The following COL6A3 variants were observed in gnomAD, a reference collection of about 807,000 sequenced individuals.
COL6A3 encodes the protein collagen alpha-3(VI) chain.
In COL6A3, 137 loss-of-function variants were observed where a neutral mutation model predicts 274.1. The ratio of observed to expected loss-of-function variants is 0.50; its 90% CI spans 0.44 to 0.58. The LOEUF (loss-of-function observed/expected upper bound fraction) is 0.58. Among genes scored for constraint, COL6A3 ranks in the 20% least tolerant of loss-of-function variants. COL6A3 has a pLI of 0.00. For synonymous variants in COL6A3, 1,650 were observed against 1,650.6 expected, an observed-to-expected ratio of 1.00 and a Z score of 0.01; for missense variants, 3,950 against 4,124.9, an observed-to-expected ratio of 0.96 and a Z score of 1.16.
At chr2:237,366,111 G>A (rs2077546134) in intron 11 of COL6A3, 76 bp from the exon 12 acceptor site, 3 of 1,319,098 alleles carry the variant, frequency 2.3e-6, no homozygotes, top group African/African-American at 1.4e-5. Context: ...CAGCAGTAGG[G>A]ACAACCCAGG....
intron 25 of COL6A3, 146 bp downstream of exon 25, chr2:237,353,195 G>A: frequency 1.3e-6 from 1 of 789,254 alleles, no homozygotes. Context: ...TAGAGGTGAT[G>A]ATTGCACAGC....
rs1284986870 is a variant in COL6A3 at position 237,365,683 on chromosome 2, A to G, written c.5838+15T>C. ...AATTTCCCAGGGAGCACCTGAACCA[A>G]CTGGCCCCACAGACCTTCACGCTGT... On this transcript the variant is annotated intron_variant, in intron 12 of 43. Coordinates refer to ENST00000295550, the MANE Select transcript of COL6A3 (RefSeq NM_004369.4). 1.9e-6 allele frequency: 3 copies of G among 1,613,496 alleles called. No homozygotes were observed. Among genetic ancestry groups the G allele is most frequent in the African/African-American group, 2.7e-5 (2 of 74,922 alleles).
chr2:237,347,214 G>A (rs1445708986), intron 31 of COL6A3, among the ~76,000 whole-genome samples: 2 of 151,984 alleles, frequency 1.3e-5, no homozygotes, highest in African/African-American at 4.8e-5. Flanking sequence ...GATGGAGGTT[G>A]CAGTGAGCCA....
chr2:237,374,671 C>T lies in COL6A3; in HGVS notation c.3420G>A (p.Thr1140=), dbSNP rs35489467. The part of the protein sequence containing the change: ...EGVPQLLIVL[T]ADRSGDDVRN... The stretch of plus-strand genomic sequence containing the variant: ...GCACATCATCCCCAGACCTGTCGGC[C>T]GTGAGGACGATCAGCAGCTGGGGCA... The change falls in exon 8 of 44, where the codon ACG becomes ACA. Residue 1140 remains threonine, a synonymous_variant. Transcript: ENST00000295550. The surrounding 1 kb of genome is among the most constrained non-coding windows in gnomAD (Gnocchi z 4.8). The T allele has an allele frequency of 2.6e-3, 4,150 of 1,613,880 alleles. 81 individuals carry two copies. In the African/African-American group the frequency reaches 0.045, roughly 17 times the overall value.
intron 9 of COL6A3, among the ~76,000 whole-genome samples, chr2:237,370,093 C>A (rs942871888): frequency 1.3e-5 from 2 of 151,634 alleles, no homozygotes; most frequent in Admixed American, 1.3e-4. Flanking sequence ...AACTCCTGGG[C>A]CCAAGTGATC....
chr2:237,360,670 G>C (rs181366659), intron 16 of COL6A3, among the ~76,000 whole-genome samples: 2 of 152,204 alleles, frequency 1.3e-5, no homozygotes, highest in African/African-American at 2.4e-5. Context: ...CCTGCTACTG[G>C]GGTCTGTCCA....
At position 237,378,857 on chromosome 2, in the gene COL6A3, T is replaced by C. The variant is rs1405707139; in HGVS notation, c.2276A>G (p.Tyr759Cys). ...TGTCAAGGCGTTGGCAGCTTGCAAA[T>C]AGGAGTCCTCAGACTGCCCAGCTGT... ...LLTAGQSEDS[Y>C]LQAANALTRA... Residue 759 changes from tyrosine to cysteine, a missense_variant, in exon 6 of 44, where the codon TAT (tyrosine) becomes TGT (cysteine). This residue lies in a region of COL6A3 where 1,934 missense variants were observed against 1,984.3 expected (regional missense o/e 0.97). Coordinates refer to ENST00000295550, the MANE Select transcript of COL6A3 (RefSeq NM_004369.4). 1 of 1,614,202 alleles carries C rather than the reference T, an allele frequency of 6.2e-7. No homozygotes were observed. The highest frequency in any genetic ancestry group is 1.1e-5 in the South Asian group (1 of 91,086).
chr2:237,348,350 T>C lies in COL6A3; in HGVS notation c.6965A>G (p.Lys2322Arg), dbSNP rs2077138160. 6.2e-7 allele frequency: 1 copy of C among 1,607,932 alleles called. No individual in the cohort carries two copies. Among genetic ancestry groups the C allele is most frequent in the Non-Finnish European group, 8.5e-7 (1 of 1,174,412 alleles). ...CTTCACCGACCAGGGATTATTTACC[T>C]TTGGTCCTGGGTATCCAGGGAATCC... ...ERGFPGYPGP[K>R]GNPGEPGLNG... Residue 2322 changes from lysine (K) to arginine (R), a missense_variant and splice_region_variant, in exon 30 of 44, where the codon AAG becomes AGG. By Grantham distance (26) the Lys-to-Arg change is conservative. Transcript: ENST00000295550.
chr2:237,335,962 G>C (rs777104250), intron 40 of COL6A3, among the ~76,000 whole-genome samples, 173 bp downstream of exon 40: 1 of 152,154 alleles, frequency 6.6e-6, no homozygotes, highest in African/African-American at 2.4e-5. Flanking sequence ...CACAGGATGG[G>C]GAGTGGGAGG....
chr2:237,385,519 C>T (rs2078122274), intron 4 of COL6A3, among the ~76,000 whole-genome samples: 1 of 152,184 alleles, frequency 6.6e-6, no homozygotes, highest in Admixed American at 6.5e-5. Flanking sequence ...GGTTGCATGA[C>T]CTGCCCAGGA....
intron 3 of COL6A3, 122 bp downstream of exon 3, chr2:237,394,465 G>A: frequency 1.6e-6 from 2 of 1,247,684 alleles, no homozygotes; most frequent in Non-Finnish European, 2.3e-6. Context: ...TTTTAAACCT[G>A]TGAACACTCA....
At position 237,374,309 on chromosome 2, in the gene COL6A3, C is replaced by T. The variant is rs1410372440; in HGVS notation, c.3679+103G>A. ...TCCTGTAATTTTAGTTTTCACTTCA[C>T]ATGGCAGGAAAAGCAAAATTGAGAA... is the stretch of plus-strand genomic sequence containing the variant. On this transcript the variant is annotated intron_variant, in intron 8 of 43. Transcript: ENST00000295550. The surrounding 1 kb of genome is among the most constrained non-coding windows in gnomAD (Gnocchi z 4.8). The T allele has an allele frequency of 1.9e-6, 3 of 1,539,784 alleles. No homozygotes were observed. In the South Asian group the frequency reaches 3.4e-5, roughly 17 times the overall value.
chr2:237,412,338 G>A (rs79154045), intron 1 of COL6A3, among the ~76,000 whole-genome samples: 2,041 of 152,336 alleles, frequency 0.013, 36 homozygotes, highest in African/African-American at 0.042. Flanking sequence ...CTTCTTTCTC[G>A]GTTCATTGGT....
Position 237,387,867 on chromosome 2 carries a change from C to T in COL6A3, c.1027G>A (p.Glu343Lys). The change falls in exon 4 of 44, where the codon GAG becomes AAG. Residue 343 changes from glutamate to lysine, a missense_variant. Physicochemically the swap from Glu to Lys is moderately conservative, Grantham distance 56 (BLOSUM62 1). Around this residue, in one of 5 missense-constraint regions of COL6A3, gnomAD observed 1,934 missense variants for 1,984.3 expected, o/e 0.97. Coordinates refer to ENST00000295550, the MANE Select transcript of COL6A3 (RefSeq NM_004369.4). ...ACCAGCACCTGGGGAACCCCTTCCT[C>T]CACGCGGCTGCCCCCTGCCCGGGTG... is the stretch of plus-strand genomic sequence containing the variant. The part of the protein sequence containing the change: ...HFTRAGGSRV[E>K]EGVPQVLVLI... The T allele has an allele frequency of 6.2e-7, 1 of 1,614,172 alleles. No homozygotes were observed. The highest frequency in any genetic ancestry group is 8.5e-7 in the Non-Finnish European group (1 of 1,180,020).
At position 237,334,821 on chromosome 2, in the gene COL6A3, C is replaced by G. The variant is rs2270669; in HGVS notation, c.9034G>C (p.Ala3012Pro). ...ENSAKLHWER[A>P]EPPGPYFYDL... is the part of the protein sequence containing the mutation. ...TAAAAATAAGGACCGGGGGGCTCAG[C>G]CCTCTCCCAGTGGAGTTTGGCGCTG... is the stretch of plus-strand genomic sequence containing the variant. Residue 3012 changes from alanine (A) to proline (P), a missense_variant, in exon 41 of 44, where the codon GCT (alanine) becomes CCT (proline). By Grantham distance (27) the Ala-to-Pro change is conservative. Coordinates refer to ENST00000295550, the MANE Select transcript of COL6A3 (RefSeq NM_004369.4). The G allele has an allele frequency of 0.77, 1,242,806 of 1,614,032 alleles. 480,817 individuals are homozygous for G. Among genetic ancestry groups the G allele is most frequent in the African/African-American group, 0.95 (71,637 of 75,020 alleles).
At chr2:237,404,272 T>C (rs1274641345) in intron 1 of COL6A3, among the ~76,000 whole-genome samples, 1 of 152,140 alleles carries the variant, frequency 6.6e-6, no homozygotes, top group Admixed American at 6.5e-5. Flanking sequence ...ATTGCATCTA[T>C]GGATGAGGGT....
chr2:237,337,906 C>A (rs1700633708), intron 39 of COL6A3, among the ~76,000 whole-genome samples: 1 of 152,010 alleles, frequency 6.6e-6, no homozygotes, highest in South Asian at 2.1e-4. Context: ...ATAGAACATG[C>A]ACATGACTTC....
chr2:237,337,764 C>T (rs1380850542), intron 39 of COL6A3, among the ~76,000 whole-genome samples: 1 of 152,196 alleles, frequency 6.6e-6, no homozygotes, highest in Non-Finnish European at 1.5e-5. Context: ...GTTACATGCC[C>T]CCACTGCCCT....
At chr2:237,343,039 C>G (rs114257109) in intron 36 of COL6A3, 2 of 152,172 alleles carry the variant, frequency 1.3e-5, no homozygotes, top group South Asian at 4.1e-4. Context: ...AAATCTGAGA[C>G]GCAGGGACGC....
Sources: gnomAD v4.1 joint callset for allele counts (sites outside exome capture counted in the v4.1 genomes callset) on GRCh38, gnomAD v4.1.1 for gene constraint, gnomAD v4.1.1 regional missense constraint, Gnocchi (gnomAD v3.1) non-coding constraint, MANE v1.5 for transcripts, NCBI Gene and HGNC (gene_info 2026-07-23, HGNC 2026-07-21) for gene names.